The following PARN variants were observed in gnomAD, a reference collection of about 807,000 sequenced individuals.
The protein encoded by PARN is poly(A)-specific ribonuclease.
PARN carries 71 observed loss-of-function variants against 102.8 expected under a neutral mutation model. That is an observed-to-expected ratio of 0.69 (90% CI 0.57 to 0.84). PARN has a LOEUF of 0.84. PARN is among the 40% of genes least tolerant of loss of function. The probability of loss-of-function intolerance (pLI) is 0.00; values close to 1 mark genes in which losing one functional copy is unlikely to be tolerated. For synonymous variants in PARN, 261 were observed against 252.9 expected (o/e 1.03, Z -0.30); for missense variants, 782 against 760.9 (o/e 1.03, Z -0.33).
At chr16:14,466,988 T>C (rs1214111413) in intron 22 of PARN, among the ~76,000 whole-genome samples, 3 of 146,424 alleles carry the variant, frequency 2.0e-5, no homozygotes, top group East Asian at 1.9e-4. Context: ...AAGAGGTAGG[T>C]GCCTGGAAGG....
At chr16:14,564,934 A>G (rs1266916700) in intron 18 of PARN, 1 of 152,186 alleles carries the variant, frequency 6.6e-6, no homozygotes, top group African/African-American at 2.4e-5. Flanking sequence ...ATACAATCTC[A>G]TCTCAACCCA....
chr16:14,442,812 TG>T (rs1961004932), intron 23 of PARN, among the ~76,000 whole-genome samples: 1 of 152,232 alleles, frequency 6.6e-6, no homozygotes, highest in Admixed American at 6.5e-5. Context: ...TTCGCCATGT[TG>T]GCCAGGCTGG....
At chr16:14,536,213 C>T (rs1966600194) in intron 21 of PARN, among the ~76,000 whole-genome samples, 1 of 152,104 alleles carries the variant, frequency 6.6e-6, no homozygotes, top group African/African-American at 2.4e-5. Context: ...ATACATTTCA[C>T]TTATATTTTA....
At chr16:14,607,112 T>A (rs965464058) in intron 9 of PARN, among the ~76,000 whole-genome samples, 10 of 152,098 alleles carry the variant, frequency 6.6e-5, no homozygotes, top group African/African-American at 2.4e-4. Context: ...ATGTCCTACA[T>A]CTCAAAATAC....
intron 21 of PARN, among the ~76,000 whole-genome samples, chr16:14,483,214 CCTCA>C (rs1456306326): frequency 6.6e-6 from 1 of 151,994 alleles, no homozygotes; most frequent in African/African-American, 2.4e-5. Context: ...AACTATAAAC[CCTCA>C]CTATTTTCCT....
chr16:14,573,056 T>C (rs926453483), intron 18 of PARN, among the ~76,000 whole-genome samples: 1 of 151,176 alleles, frequency 6.6e-6, no homozygotes, highest in African/African-American at 2.4e-5. Flanking sequence ...TCCCAGCTAA[T>C]TTTTTTTTAA....
chr16:14,565,224 G>A (rs536503440), intron 18 of PARN: 1 of 152,300 alleles, frequency 6.6e-6, no homozygotes, highest in East Asian at 1.9e-4. Flanking sequence ...AGGCTCCTGT[G>A]TAAAATAAGG....
chr16:14,509,834 T>A (rs1204243165), intron 21 of PARN, among the ~76,000 whole-genome samples: 1 of 152,176 alleles, frequency 6.6e-6, no homozygotes, highest in African/African-American at 2.4e-5. Flanking sequence ...TTTCTTTTAG[T>A]AGAAAAGGAA....
chr16:14,498,768 G>A (rs1179491300), intron 21 of PARN, among the ~76,000 whole-genome samples: 1 of 152,198 alleles, frequency 6.6e-6, no homozygotes, highest in Non-Finnish European at 1.5e-5. Flanking sequence ...TTTACTTGTT[G>A]TAACTGGCAA....
intron 22 of PARN, among the ~76,000 whole-genome samples, chr16:14,472,551 G>A (rs761628215): frequency 2.6e-5 from 4 of 152,220 alleles, no homozygotes; most frequent in Non-Finnish European, 5.9e-5. Context: ...AACTGGCAAA[G>A]AGGAGGGAAA....
At chr16:14,598,876 T>C (rs574721888) in intron 12 of PARN, among the ~76,000 whole-genome samples, 16 of 152,138 alleles carry the variant, frequency 1.1e-4, no homozygotes, top group Non-Finnish European at 1.9e-4. Context: ...AAGTTCAGCA[T>C]CTAAGGTATA....
chr16:14,515,849 A>C (rs1390892037), intron 21 of PARN, among the ~76,000 whole-genome samples: 1 of 152,036 alleles, frequency 6.6e-6, no homozygotes, highest in Non-Finnish European at 1.5e-5. Context: ...CTGAAGCAGG[A>C]GGATTGCTTG....
intron 7 of PARN, 138 bp downstream of exon 7, chr16:14,610,506 C>A: frequency 2.0e-6 from 1 of 491,744 alleles, no homozygotes. Context: ...TTTTAATATG[C>A]CACAATTATA....
At chr16:14,443,107 C>T (rs1961019499) in intron 23 of PARN, among the ~76,000 whole-genome samples, 1 of 152,164 alleles carries the variant, frequency 6.6e-6, no homozygotes, top group African/African-American at 2.4e-5. Flanking sequence ...CTGCACCTTA[C>T]TGCATGTTTA....
In PARN at chr16:14,547,166, G is replaced by C. The variant is rs1420447170; in HGVS notation, c.1480+4855C>G. Among the ~76,000 whole-genome samples, 5 of 151,944 alleles carry C rather than the reference G, an allele frequency of 3.3e-5. No homozygotes were observed. In the East Asian group the frequency reaches 9.7e-4, roughly 29 times the overall value. On this transcript the variant is annotated intron_variant, in intron 21 of 23. Coordinates refer to ENST00000437198, the MANE Select transcript of PARN (RefSeq NM_002582.4). ...AAAAATTCTCAAATGGTGAAGGTAA[G>C]TGGTCTTTCCATGGCACCAAGTCCC... is the stretch of plus-strand genomic sequence containing the variant.
At chr16:14,458,612 G>A (rs1354656117) in intron 22 of PARN, among the ~76,000 whole-genome samples, 1 of 152,150 alleles carries the variant, frequency 6.6e-6, no homozygotes, top group Non-Finnish European at 1.5e-5. Context: ...CATAGAGGCA[G>A]AAACAGAAAT....
chr16:14,467,284 T>C (rs745402345), intron 22 of PARN, among the ~76,000 whole-genome samples: 38 of 152,152 alleles, frequency 2.5e-4, no homozygotes, highest in Non-Finnish European at 5.3e-4. Flanking sequence ...GCCCACCTGA[T>C]AGGCTGCTCA....
chr16:14,529,611 T>G (rs1966207551), intron 21 of PARN, among the ~76,000 whole-genome samples: 1 of 152,038 alleles, frequency 6.6e-6, no homozygotes, highest in Admixed American at 6.6e-5. Flanking sequence ...CCCCTGGCTG[T>G]GCAAAAAGGT....
chr16:14,553,983 C>A, intron 20 of PARN, 82 bp downstream of exon 20: 4 of 832,952 alleles, frequency 4.8e-6, no homozygotes, highest in Non-Finnish European at 7.7e-6. Flanking sequence ...TATACGCAGG[C>A]CAAAACTATC....
Sources: allele counts gnomAD v4.1 joint callset (sites outside exome capture counted in the v4.1 genomes callset), GRCh38; gene constraint gnomAD v4.1.1; transcripts MANE v1.5; gene names NCBI Gene and HGNC (gene_info 2026-07-23, HGNC 2026-07-21).